ZNF407: variants seen among roughly 807,000 people sequenced by gnomAD.
ZNF407 encodes the protein zinc finger protein 407.
Under a neutral mutation model 131.2 loss-of-function variants are expected in ZNF407, and 17 were observed. The ratio of observed to expected loss-of-function variants is 0.13; its 90% CI spans 0.09 to 0.19. The LOEUF is 0.19. Among genes scored for constraint, ZNF407 ranks in the 10% least tolerant of loss-of-function variants. The pLI is 1.00. For synonymous variants in ZNF407, 1,156 were observed against 1,062.0 expected, an observed-to-expected ratio of 1.09 and a Z score of -1.72; for missense variants, 2,681 against 2,830.6, an observed-to-expected ratio of 0.95 and a Z score of 1.20.
chr18:74,782,928 A>G (rs1387925909), intron 4 of ZNF407, among the ~76,000 whole-genome samples: 2 of 152,090 alleles, frequency 1.3e-5, no homozygotes, highest in Admixed American at 6.6e-5. Context: ...TCTTTGTAAC[A>G]TTGTATTTAA....
chr18:74,720,782 A>C (rs1431461634), intron 3 of ZNF407, among the ~76,000 whole-genome samples: 1 of 152,098 alleles, frequency 6.6e-6, no homozygotes, highest in Non-Finnish European at 1.5e-5. Flanking sequence ...TGTCAAAAAA[A>C]TCAACTCTGT....
At chr18:75,010,261 G>T (rs1209912103) in intron 8 of ZNF407, among the ~76,000 whole-genome samples, 3 of 152,248 alleles carry the variant, frequency 2.0e-5, no homozygotes, top group East Asian at 3.9e-4. Context: ...CGAGAGAAAG[G>T]CCAAGATGTA....
chr18:74,899,154 A>G (rs2145205971), intron 7 of ZNF407, among the ~76,000 whole-genome samples: 1 of 152,276 alleles, frequency 6.6e-6, no homozygotes. Flanking sequence ...GAGCCAGTGG[A>G]GGATGTTGAG....
At chr18:74,691,831 C>CG (rs1465134150) in intron 3 of ZNF407, among the ~76,000 whole-genome samples, 1 of 152,078 alleles carries the variant, frequency 6.6e-6, no homozygotes, top group African/African-American at 2.4e-5. Flanking sequence ...TGTCAGCTCA[C>CG]GCCTGTAATC....
chr18:74,786,791 A>AGGTTTTT (rs1969722911), intron 4 of ZNF407, among the ~76,000 whole-genome samples: 1 of 77,696 alleles, frequency 1.3e-5, no homozygotes, highest in South Asian at 4.7e-4. Flanking sequence ...GTAAAAAAGT[A>AGGTTTTT]TGTTTTTTTT....
At chr18:74,761,739 T>C (rs1221468753) in intron 3 of ZNF407, among the ~76,000 whole-genome samples, 2 of 152,192 alleles carry the variant, frequency 1.3e-5, no homozygotes, top group Non-Finnish European at 2.9e-5. Flanking sequence ...TTCATGATTG[T>C]GTTTTAAGTT....
chr18:75,022,383 C>G (rs1265098354), intron 8 of ZNF407, among the ~76,000 whole-genome samples: 1 of 152,198 alleles, frequency 6.6e-6, no homozygotes, highest in Non-Finnish European at 1.5e-5. Context: ...GCCACACAGT[C>G]ACTTTGACTG....
At chr18:74,929,670 G>C (rs7244112) in intron 8 of ZNF407, among the ~76,000 whole-genome samples, 2 of 152,096 alleles carry the variant, frequency 1.3e-5, no homozygotes, top group Admixed American at 6.5e-5. Context: ...TTGCCCACTC[G>C]TGTTGCTACT....
At chr18:75,055,313 G>T (rs17056226) in intron 8 of ZNF407, among the ~76,000 whole-genome samples, 22,049 of 152,130 alleles carry the variant, frequency 0.14, 1,671 homozygotes, top group South Asian at 0.22. Flanking sequence ...TGTCACCTGA[G>T]TTCGATTTCC....
At chr18:74,705,878 A>T (rs1356426049) in intron 3 of ZNF407, among the ~76,000 whole-genome samples, 7 of 152,214 alleles carry the variant, frequency 4.6e-5, no homozygotes, top group South Asian at 2.1e-4. Flanking sequence ...GTATAGATCA[A>T]AGAGCGGTCT....
At position 75,063,126 on chromosome 18, in the gene ZNF407, C is replaced by CT; in HGVS notation, c.5429-23dup. ...AGCCTACGAGTACTTTTTCCAGGCT[C>CT]TAACTGGTCCCTGTCTCCCTTAGGC... On this transcript the variant is annotated intron_variant, in intron 8 of 8. Transcript: ENST00000299687. This position sits in a 1 kb window ranked among gnomAD's most constrained non-coding sequence, Gnocchi z 6.6. 6.5e-7 allele frequency: 1 copy of CT among 1,536,836 alleles called. No homozygotes were observed. Among genetic ancestry groups the CT allele is most frequent in the Non-Finnish European group, 8.8e-7 (1 of 1,140,716 alleles).
chr18:74,748,397 T>G (rs1464336609), intron 3 of ZNF407, among the ~76,000 whole-genome samples: 1 of 151,980 alleles, frequency 6.6e-6, no homozygotes, highest in East Asian at 1.9e-4. Context: ...AGAACATGAT[T>G]ATTCAAATAG....
intron 7 of ZNF407, among the ~76,000 whole-genome samples, chr18:74,918,071 A>G (rs1339016213): frequency 6.6e-6 from 1 of 152,192 alleles, no homozygotes; most frequent in Non-Finnish European, 1.5e-5. Context: ...TTTTCCTTTT[A>G]ACTGTCATAA....
intron 3 of ZNF407, among the ~76,000 whole-genome samples, chr18:74,699,064 C>T (rs1245092191): frequency 6.6e-6 from 1 of 152,304 alleles, no homozygotes; most frequent in South Asian, 2.1e-4. Flanking sequence ...TTCATCCCTT[C>T]CCGCTCTCTC....
chr18:74,858,558 A>G (rs1266175146), intron 4 of ZNF407, among the ~76,000 whole-genome samples: 1 of 152,170 alleles, frequency 6.6e-6, no homozygotes, highest in African/African-American at 2.4e-5. Flanking sequence ...GTACTTGTGT[A>G]AGCTGTTTCT....
intron 4 of ZNF407, among the ~76,000 whole-genome samples, chr18:74,802,955 T>A (rs1381480334): frequency 6.6e-6 from 1 of 152,088 alleles, no homozygotes; most frequent in Non-Finnish European, 1.5e-5. Flanking sequence ...ACTTTGCCAG[T>A]GTGTAGGAAT....
Position 74,708,058 on chromosome 18 carries a change from C to T in ZNF407, c.4802+66936C>T, listed in dbSNP as rs760768773. Among the ~76,000 whole-genome samples the T allele has an allele frequency of 2.0e-5, 3 of 152,230 alleles. 1 individual carries two copies. Among genetic ancestry groups the T allele is most frequent in the Admixed American group, 2.0e-4 (3 of 15,298 alleles). On this transcript the variant is annotated intron_variant, in intron 3 of 8. Transcript: ENST00000299687. The stretch of plus-strand genomic sequence containing the variant: ...GAACAATTTTCTTGTTGGTAAATTA[C>T]TATTGTGCATGATGTCATCTAAAAA...
chr18:74,974,846 C>A (rs1449147656), intron 8 of ZNF407, among the ~76,000 whole-genome samples: 1 of 152,156 alleles, frequency 6.6e-6, no homozygotes, highest in Non-Finnish European at 1.5e-5. Context: ...CATATAGTGA[C>A]AATTACAGCT....
intron 1 of ZNF407, among the ~76,000 whole-genome samples, chr18:74,602,289 T>C (rs902329715): frequency 3.9e-5 from 6 of 152,204 alleles, no homozygotes; most frequent in Non-Finnish European, 8.8e-5. Context: ...GAGAACCTTT[T>C]GCGGGAGAAG....
Sources: allele counts gnomAD v4.1 joint callset (sites outside exome capture counted in the v4.1 genomes callset), GRCh38; gene constraint gnomAD v4.1.1; non-coding constraint Gnocchi (gnomAD v3.1); transcripts MANE v1.5; gene names NCBI Gene and HGNC (gene_info 2026-07-23, HGNC 2026-07-21).